SRPK2: variants seen among roughly 807,000 people sequenced by gnomAD.
The protein encoded by SRPK2 is SFRS protein kinase 2.
SRPK2 carries 21 observed loss-of-function variants against 90.8 expected under a neutral mutation model. That is an observed-to-expected ratio of 0.23 (90% CI 0.16 to 0.33). The LOEUF is 0.33. Ranked by LOEUF, SRPK2 falls within the 10% of genes least tolerant of loss-of-function variation. The pLI is 1.00. For missense variants in SRPK2, 620 were observed against 869.0 expected (o/e 0.71, Z 3.60); for synonymous variants, 288 against 311.1 (o/e 0.93, Z 0.78).
In SRPK2 at chr7:105,396,817, AG is replaced by A. The variant is rs1563329655; in HGVS notation, n.153+2338del. 1.6e-3 allele frequency among the ~76,000 whole-genome samples: 122 copies of A among 78,282 alleles called. No homozygotes were observed. The East Asian group carries it at 0.03, about 19-fold the overall frequency. 51.4% of individuals were successfully genotyped at this position (78,282 alleles called of 152,430 possible). A position where few individuals can be genotyped will look rare whatever the true frequency, so the allele number is the denominator to read the frequency against. On this transcript the variant is annotated intron_variant and non_coding_transcript_variant, in intron 1 of 3. Coordinates refer to the SRPK2 transcript ENST00000462282. ...AAGAGAAAGAGAAAGAAAGAAAGAGAGAAAGAGAGAGAGAGAGAGAAAGAAA... is the reference window on the plus strand; with the variant it reads ...AAGAGAAAGAGAAAGAAAGAAAGAGAAAAGAGAGAGAGAGAGAGAAAGAAA...
chr7:105,270,611 G>A (rs1805709171), intron 2 of SRPK2, among the ~76,000 whole-genome samples: 1 of 151,978 alleles, frequency 6.6e-6, no homozygotes, highest in Non-Finnish European at 1.5e-5. Context: ...GTTTCACCAT[G>A]TTGGTCAGGC....
intron 2 of SRPK2, among the ~76,000 whole-genome samples, chr7:105,213,746 A>T (rs959289939): frequency 6.6e-6 from 1 of 152,214 alleles, no homozygotes; most frequent in East Asian, 1.9e-4. Flanking sequence ...CTAGGTGCAG[A>T]GTGAATAAAA....
At chr7:105,244,740 G>A (rs928598641) in intron 2 of SRPK2, 2 of 1,100,238 alleles carry the variant, frequency 1.8e-6, no homozygotes, top group African/African-American at 1.5e-5. Flanking sequence ...AGCCGCCGCC[G>A]CGGGCGTCTG....
At chr7:105,240,275 G>A (rs1029094529) in intron 2 of SRPK2, among the ~76,000 whole-genome samples, 1 of 152,090 alleles carries the variant, frequency 6.6e-6, no homozygotes, top group South Asian at 2.1e-4. Flanking sequence ...ATGTGTTGGT[G>A]ATCTAATTGT....
At chr7:105,154,702 CAG>C (rs1410189720) in intron 7 of SRPK2, among the ~76,000 whole-genome samples, 2 of 152,132 alleles carry the variant, frequency 1.3e-5, no homozygotes, top group African/African-American at 4.8e-5. Flanking sequence ...TGTTTGGAGA[CAG>C]AGTCTGTCAC....
Position 105,146,556 on chromosome 7 carries a change from T to C in SRPK2, c.724A>G (p.Arg242Gly). ...CACTCAGTGGCCTCAGCTGCCATTC[T>C]TCTCACATATGCATCATCCACACAC... is the stretch of plus-strand genomic sequence containing the variant. ...LMCVDDAYVR[R>G]MAAEATEWQK... The change falls in exon 8 of 16, where the codon AGA becomes GGA. Residue 242 changes from arginine to glycine, a missense_variant. Physicochemically the swap from Arg to Gly is moderately radical, Grantham distance 125 (BLOSUM62 -2). This residue lies in a region of SRPK2 where 196 missense variants were observed against 339.2 expected (regional missense o/e 0.58). Transcript: ENST00000393651. The C allele has an allele frequency of 1.2e-6, 2 of 1,614,222 alleles. No homozygotes were observed. Among genetic ancestry groups the C allele is most frequent in the Non-Finnish European group, 1.7e-6 (2 of 1,180,036 alleles).
chr7:105,396,774 AAGAG>A (rs1554535222), intron 1 of SRPK2, among the ~76,000 whole-genome samples: 40 of 139,170 alleles, frequency 2.9e-4, no homozygotes, highest in East Asian at 2.7e-3. Context: ...GAGAGAAAGA[AAGAG>A]AGAGAAAGAA....
intron 2 of SRPK2, among the ~76,000 whole-genome samples, chr7:105,269,539 A>G (rs1421507557): frequency 6.6e-6 from 1 of 152,146 alleles, no homozygotes; most frequent in Non-Finnish European, 1.5e-5. Flanking sequence ...AGCAACACCC[A>G]TTTACCGAGC....
chr7:105,230,618 C>G (rs145523815), intron 2 of SRPK2, among the ~76,000 whole-genome samples: 41 of 152,308 alleles, frequency 2.7e-4, no homozygotes, highest in Admixed American at 7.2e-4. Context: ...CTTCACCACT[C>G]ACATTTGTCC....
intron 2 of SRPK2, among the ~76,000 whole-genome samples, chr7:105,369,846 G>A (rs914728306): frequency 2.0e-5 from 3 of 152,214 alleles, no homozygotes; most frequent in South Asian, 2.1e-4. Context: ...TGACCAACAC[G>A]GAGAAACCCC....
intron 2 of SRPK2, among the ~76,000 whole-genome samples, chr7:105,362,762 C>T (rs561856595): frequency 3.7e-4 from 57 of 152,220 alleles, no homozygotes; most frequent in African/African-American, 1.3e-3. Flanking sequence ...TTTACTGTGG[C>T]ACTATTCACA....
At chr7:105,115,111 G>T (rs1584827043), downstream of SRPK2, among the ~76,000 whole-genome samples, 1 of 152,134 alleles carries the variant, frequency 6.6e-6, no homozygotes, top group South Asian at 2.1e-4. Flanking sequence ...GTGAACTGCA[G>T]AATCTTATAC....
chr7:105,172,477 C>T (rs1218075644), intron 3 of SRPK2, among the ~76,000 whole-genome samples: 1 of 152,130 alleles, frequency 6.6e-6, no homozygotes, highest in Non-Finnish European at 1.5e-5. Flanking sequence ...TTTAAGAGAA[C>T]AGAAAATGCT....
chr7:105,281,965 C>A (rs1189335729), intron 2 of SRPK2, among the ~76,000 whole-genome samples: 1 of 152,100 alleles, frequency 6.6e-6, no homozygotes, highest in Non-Finnish European at 1.5e-5. Context: ...AGCTGATCAT[C>A]AAATTCATGT....
intron 2 of SRPK2, among the ~76,000 whole-genome samples, chr7:105,233,542 C>G (rs146954668): frequency 6.6e-6 from 1 of 152,240 alleles, no homozygotes; most frequent in African/African-American, 2.4e-5. Flanking sequence ...AAAATAGTTC[C>G]TTTATAATTC....
chr7:105,394,629 CAGTT>C (rs1262736631), intron 1 of SRPK2, among the ~76,000 whole-genome samples: 1 of 152,192 alleles, frequency 6.6e-6, no homozygotes, highest in Non-Finnish European at 1.5e-5. Context: ...TAATTCTTAA[CAGTT>C]GGGAGATACA....
chr7:105,232,708 CAAT>C (rs1396476486), intron 2 of SRPK2, among the ~76,000 whole-genome samples: 1 of 44,130 alleles, frequency 2.3e-5, no homozygotes, highest in East Asian at 2.5e-4. Context: ...AAAAAAACAA[CAAT>C]AATAATAAAA....
chr7:105,394,755 C>A (rs1426413247), intron 1 of SRPK2, among the ~76,000 whole-genome samples: 1 of 152,160 alleles, frequency 6.6e-6, no homozygotes, highest in East Asian at 1.9e-4. Context: ...GTGAACAAAG[C>A]ACACAGAAAT....
At chr7:105,194,320 A>G (rs1182183845) in intron 3 of SRPK2, among the ~76,000 whole-genome samples, 1 of 152,220 alleles carries the variant, frequency 6.6e-6, no homozygotes, top group Non-Finnish European at 1.5e-5. Flanking sequence ...GGAGATGTCT[A>G]TTCTTACCAC....
Sources: allele counts gnomAD v4.1 joint callset (sites outside exome capture counted in the v4.1 genomes callset), GRCh38; gene constraint gnomAD v4.1.1; regional missense constraint gnomAD v4.1.1; transcripts MANE v1.5; gene names NCBI Gene and HGNC (gene_info 2026-07-23, HGNC 2026-07-21).